The following FPGS variants were observed in gnomAD, a reference collection of about 807,000 sequenced individuals.
FPGS encodes folylpolyglutamate synthase.
Under a neutral mutation model 66.5 loss-of-function variants are expected in FPGS, and 53 were observed. That is an observed-to-expected ratio of 0.80 (90% CI 0.64 to 1.00). The LOEUF is 1.00. Among genes scored for constraint, FPGS ranks in the 50% least tolerant of loss-of-function variants. The probability of loss-of-function intolerance (pLI) is 0.00; values close to 1 mark genes in which losing one functional copy is unlikely to be tolerated. For missense variants in FPGS, 702 were observed against 807.7 expected (o/e 0.87, Z 1.59); for synonymous variants, 348 against 350.9 (o/e 0.99, Z 0.09).
Position 127,804,504 on chromosome 9 carries a change from G to A in FPGS, c.273G>A (p.Glu91=), listed in dbSNP as rs766645229. The A allele has an allele frequency of 1.9e-5, 31 of 1,614,172 alleles. 1 individual carries two copies. The South Asian group carries it at 3.4e-4, about 18-fold the overall frequency. The change falls in exon 3 of 15, where the codon GAG becomes GAA. Residue 91 remains glutamate (E), a synonymous_variant. Transcript: ENST00000373247. Reference sequence around the variant, plus strand: ...ACCTTGTCTGTCTGTCCCAGGTGGAGGACTTGGACCGGCTGAACATCATCC... The same window carrying A: ...ACCTTGTCTGTCTGTCCCAGGTGGAAGACTTGGACCGGCTGAACATCATCC... The part of the protein sequence containing the change: ...LYLARSGLQV[E]DLDRLNIIHV...
Position 127,807,290 on chromosome 9 carries a change from T to C in FPGS, c.579+4T>C, listed in dbSNP as rs770175946. 2.5e-6 allele frequency: 4 copies of C among 1,613,980 alleles called. No individual in the cohort carries two copies. In the Admixed American group the frequency reaches 5.0e-5, roughly 20 times the overall value. On this transcript the variant is annotated splice_donor_region_variant and intron_variant, in intron 6 of 14. Coordinates refer to ENST00000373247, the MANE Select transcript of FPGS (RefSeq NM_004957.6). This position sits in a 1 kb window ranked among gnomAD's most constrained non-coding sequence, Gnocchi z 5.8. ...CCACGTCTTCCTCCAAGAGAAGGTG[T>C]GTGCCCTCTCCCTAGAACCCTGCAT...
intron 4 of FPGS, chr9:127,804,914 A>G: frequency 1.8e-6 from 1 of 541,110 alleles, no homozygotes; most frequent in Non-Finnish European, 3.3e-6. Context: ...TTTGAGACTG[A>G]GTCTCACTCT....
At chr9:127,803,115 T>C in intron 1 of FPGS, 53 bp downstream of exon 1, 1 of 1,285,388 alleles carries the variant, frequency 7.8e-7, no homozygotes, top group Non-Finnish European at 9.8e-7. Flanking sequence ...CACGTGGGCC[T>C]GCGCTGAGCC....
chr9:127,807,923 TG>T lies in FPGS; in HGVS notation c.744+239del. ...GAGTTTGAGACCAGCCTGACCAATA[TG>T]GGGAAACTCTGTCTCTACTAAAAAT... is the stretch of plus-strand genomic sequence containing the variant. On this transcript the variant is annotated intron_variant, in intron 8 of 14. Transcript: ENST00000373247. This position sits in a 1 kb window ranked among gnomAD's most constrained non-coding sequence, Gnocchi z 5.8. 1 of 567,810 alleles carries T rather than the reference TG, an allele frequency of 1.8e-6. No homozygotes were observed. Among genetic ancestry groups the T allele is most frequent in the Non-Finnish European group, 3.1e-6 (1 of 322,860 alleles). The allele number at this position is 567,810 out of a possible 1,614,324, so 35.2% of individuals were successfully genotyped here.
chr9:127,803,066 T>C lies in FPGS; in HGVS notation c.138+4T>C. 7.2e-7 allele frequency: 1 copy of C among 1,393,388 alleles called. No individual in the cohort carries two copies. 86.3% of individuals were successfully genotyped at this position (1,393,388 alleles called of 1,614,324 possible). A position where few individuals can be genotyped will look rare whatever the true frequency, so the allele number is the denominator to read the frequency against. On this transcript the variant is annotated splice_donor_region_variant and intron_variant, in intron 1 of 14. Transcript: ENST00000373247. ...GGAGCCGAGCATGGAGTACCAGGTA[T>C]CAGGCGGGCCAGCGGGCCAGCGGGC... is the stretch of plus-strand genomic sequence containing the variant.
Position 127,807,559 on chromosome 9 carries a change from G to T in FPGS, c.642-27G>T, listed in dbSNP as rs1174652948. 6.2e-7 allele frequency: 1 copy of T among 1,611,672 alleles called. No homozygotes were observed. Among genetic ancestry groups the T allele is most frequent in the Admixed American group, 1.7e-5 (1 of 59,784 alleles). On this transcript the variant is annotated intron_variant, in intron 7 of 14. Transcript: ENST00000373247. The surrounding 1 kb of genome is among the most constrained non-coding windows in gnomAD (Gnocchi z 5.8). ...CTGCCGCCTGGTGGCTCAGGGCAGGGCCTCATGGCCTTTTCCTCCCCTGCA... is the reference window on the plus strand; with the variant it reads ...CTGCCGCCTGGTGGCTCAGGGCAGGTCCTCATGGCCTTTTCCTCCCCTGCA...
chr9:127,810,929 T>C lies in FPGS; in HGVS notation c.1288-16T>C, dbSNP rs1830046766. On this transcript the variant is annotated splice_polypyrimidine_tract_variant and intron_variant, in intron 13 of 14. Transcript: ENST00000373247. ...TTTCGGGGGTCTGACACCAAGTCTTTCCCTTGGCCTTCTAGCCCTGCCAGT... is the reference window on the plus strand; with the variant it reads ...TTTCGGGGGTCTGACACCAAGTCTTCCCCTTGGCCTTCTAGCCCTGCCAGT... The C allele has an allele frequency of 1.3e-6, 2 of 1,515,870 alleles. No individual in the cohort carries two copies. The highest frequency in any genetic ancestry group is 2.3e-5 in the East Asian group (1 of 42,680). 93.9% of individuals were successfully genotyped at this position (1,515,870 alleles called of 1,614,324 possible). A position where few individuals can be genotyped will look rare whatever the true frequency, so the allele number is the denominator to read the frequency against.
rs529852737 is a variant in FPGS, at chr9:127,807,720, A to C, written c.744+32A>C. On this transcript the variant is annotated intron_variant, in intron 8 of 14. Coordinates refer to ENST00000373247, the MANE Select transcript of FPGS (RefSeq NM_004957.6). The surrounding 1 kb of genome is among the most constrained non-coding windows in gnomAD (Gnocchi z 5.8). ...AGGCAGACTGGGGGAAGGGAGAGAC[A>C]TGGAAGGCCTGGGAGTCTACGTTTT... The C allele has an allele frequency of 7.0e-7, 1 of 1,420,552 alleles. No individual in the cohort carries two copies. Among genetic ancestry groups the C allele is most frequent in the African/African-American group, 1.4e-5 (1 of 69,386 alleles). The allele number at this position is 1,420,552 out of a possible 1,614,324, so 88.0% of individuals were successfully genotyped here. A position where few individuals can be genotyped will look rare whatever the true frequency, so the allele number is the denominator to read the frequency against.
chr9:127,809,359 G>A (rs911447392), intron 11 of FPGS, among the ~76,000 whole-genome samples: 1 of 152,166 alleles, frequency 6.6e-6, no homozygotes, highest in Non-Finnish European at 1.5e-5. Context: ...GGCCCGCTGT[G>A]TGCCACGCCT....
Position 127,807,678 on chromosome 9 carries a change from G to T in FPGS, c.734G>T (p.Gly245Val), listed in dbSNP as rs1273518231. The T allele has an allele frequency of 1.9e-6, 3 of 1,588,890 alleles. No individual in the cohort carries two copies. The highest frequency in any genetic ancestry group is 2.6e-6 in the Non-Finnish European group (3 of 1,172,052). The change falls in exon 8 of 15, where the codon GGC becomes GTC. Residue 245 changes from glycine to valine, a missense_variant. Around this residue, in one of 3 missense-constraint regions of FPGS, gnomAD observed 240 missense variants for 348.6 expected, o/e 0.69. Transcript: ENST00000373247. The surrounding 1 kb of genome is among the most constrained non-coding windows in gnomAD (Gnocchi z 5.8). ...GAGAAGATCGCATGGCAGAAAGGGG[G>T]CATCTTTAAGGTGACCAGGCAGACT... ...TVEKIAWQKG[G>V]IFKQGVPAFT... is the part of the protein sequence containing the mutation.
chr9:127,806,739 CTG>C, intron 4 of FPGS: 1 of 552,142 alleles, frequency 1.8e-6, no homozygotes, highest in South Asian at 2.1e-5. Context: ...GGTGAGGAGG[CTG>C]TCTTAGTTGA....
intron 14 of FPGS, 136 bp downstream of exon 14, chr9:127,811,147 C>G (rs1427500273): frequency 9.1e-6 from 4 of 440,454 alleles, no homozygotes; most frequent in African/African-American, 2.0e-5. Flanking sequence ...TACTTATACT[C>G]TTTTATACAC....
chr9:127,802,948 G>A lies in FPGS; in HGVS notation c.24G>A (p.Leu8=). 7.1e-7 allele frequency: 1 copy of A among 1,408,398 alleles called. No individual in the cohort carries two copies. Among genetic ancestry groups the A allele is most frequent in the Non-Finnish European group, 9.2e-7 (1 of 1,087,602 alleles). The allele number at this position is 1,408,398 out of a possible 1,614,324, so 87.2% of individuals were successfully genotyped here. A position where few individuals can be genotyped will look rare whatever the true frequency, so the allele number is the denominator to read the frequency against. The change falls in exon 1 of 15, where the codon CTG becomes CTA. Residue 8 remains leucine, a synonymous_variant. Coordinates refer to ENST00000373247, the MANE Select transcript of FPGS (RefSeq NM_004957.6). MSRARSH[L]RAALFLAAAS... ...CTATGTCGCGGGCGCGGAGCCACCT[G>A]CGCGCCGCTCTATTCCTGGCAGCGG...
In FPGS at chr9:127,804,514, C is replaced by T. The variant is rs1028435555; in HGVS notation, c.283C>T (p.Arg95Trp). The change falls in exon 3 of 15, where the codon CGG (arginine) becomes TGG (tryptophan). Residue 95 changes from arginine to tryptophan, a missense_variant. Arg to Trp is a moderately radical substitution (Grantham distance 101, BLOSUM62 -3). This residue lies in a region of FPGS where 240 missense variants were observed against 348.6 expected (regional missense o/e 0.69). Transcript: ENST00000373247. ...RSGLQVEDLD[R>W]LNIIHVTGTK... The stretch of plus-strand genomic sequence containing the variant: ...TCTGTCCCAGGTGGAGGACTTGGAC[C>T]GGCTGAACATCATCCACGTCACTGG... 24 of 1,614,026 alleles carry T rather than the reference C, an allele frequency of 1.5e-5. No individual in the cohort carries two copies. The highest frequency in any genetic ancestry group is 1.8e-5 in the Non-Finnish European group (21 of 1,180,014).
chr9:127,803,895 C>T (rs368156108), intron 1 of FPGS, among the ~76,000 whole-genome samples: 1 of 152,080 alleles, frequency 6.6e-6, no homozygotes, highest in African/African-American at 2.4e-5. Flanking sequence ...CTCCAGAATT[C>T]GAATACCCCA....
chr9:127,813,593 C>G lies in FPGS; in HGVS notation c.1753C>G (p.Leu585Val), dbSNP rs1460060678. The G allele has an allele frequency of 6.5e-7, 1 of 1,533,512 alleles. No homozygotes were observed. Among genetic ancestry groups the G allele is most frequent in the Non-Finnish European group, 8.8e-7 (1 of 1,138,248 alleles). The allele number at this position is 1,533,512 out of a possible 1,614,324, so 95.0% of individuals were successfully genotyped here. ...TGTCCTGAAGCTGCTGGAGCCCGCA[C>G]TGTCCCAGTAGCCAAGGCCCGGGGT... ...GGVLKLLEPA[L>V]SQ Residue 585 changes from leucine to valine, a missense_variant, in exon 15 of 15, where the codon CTG becomes GTG. This residue lies in a region of FPGS where 351 missense variants were observed against 363.7 expected (regional missense o/e 0.97). Transcript: ENST00000373247.
At position 127,804,743 on chromosome 9, in the gene FPGS, C is replaced by T. The variant is rs144149207; in HGVS notation, c.386+43C>T. ...GATGTGGTGTCTGTGTCCCAATGGACCCTGGGGGGCTATGGAACCAGCCAG... is the reference window on the plus strand; with the variant it reads ...GATGTGGTGTCTGTGTCCCAATGGATCCTGGGGGGCTATGGAACCAGCCAG... On this transcript the variant is annotated intron_variant, in intron 4 of 14. Transcript: ENST00000373247. 7.1e-5 allele frequency: 113 copies of T among 1,601,446 alleles called. 1 individual carries two copies. The African/African-American group carries it at 1.1e-3, about 16-fold the overall frequency.
chr9:127,808,954 T>C, intron 11 of FPGS, 65 bp downstream of exon 11: 1 of 1,297,390 alleles, frequency 7.7e-7, no homozygotes, highest in Non-Finnish European at 1.1e-6. Flanking sequence ...AGATTTTTTT[T>C]TTTTTTTTTT....
At position 127,813,323 on chromosome 9, in the gene FPGS, G is replaced by C; in HGVS notation, c.1483G>C (p.Gly495Arg). ...CTGGAGTGCCCCCAGCCCAGAGCCC[G>C]GTGGGTCCGCATCCCTGCTTCTGGC... ...DLWSAPSPEPGGSASLLLAPH... is the reference protein window; with the variant it reads ...DLWSAPSPEPRGSASLLLAPH... Residue 495 changes from glycine (G) to arginine (R), a missense_variant, in exon 15 of 15, where the codon GGT becomes CGT. Gly to Arg is a moderately radical substitution (Grantham distance 125, BLOSUM62 -2). This residue lies in a region of FPGS where 351 missense variants were observed against 363.7 expected (regional missense o/e 0.97). Coordinates refer to ENST00000373247, the MANE Select transcript of FPGS (RefSeq NM_004957.6). The C allele has an allele frequency of 6.2e-7, 1 of 1,613,048 alleles. No individual in the cohort carries two copies. The highest frequency in any genetic ancestry group is 8.5e-7 in the Non-Finnish European group (1 of 1,179,894).
Sources: gnomAD v4.1 joint callset for allele counts (sites outside exome capture counted in the v4.1 genomes callset) on GRCh38, gnomAD v4.1.1 for gene constraint, gnomAD v4.1.1 regional missense constraint, Gnocchi (gnomAD v3.1) non-coding constraint, MANE v1.5 for transcripts, NCBI Gene and HGNC (gene_info 2026-07-23, HGNC 2026-07-21) for gene names.